TMEM235: variants seen among roughly 807,000 people sequenced by gnomAD.
TMEM235 encodes claudin-27.
In TMEM235, 23 loss-of-function variants were observed where a neutral mutation model predicts 22.9. The observed-to-expected ratio is 1.00, with a 90% CI of 0.72 to 1.42. TMEM235 has a LOEUF of 1.42. Among genes scored for constraint, TMEM235 ranks in the 40% most tolerant of loss-of-function variants. The pLI is 0.00. For synonymous variants in TMEM235, 137 were observed against 140.5 expected (o/e 0.98, Z 0.17); for missense variants, 308 against 299.5 (o/e 1.03, Z -0.21).
intron 4 of TMEM235, among the ~76,000 whole-genome samples, chr17:78,235,869 G>A (rs2076637266): frequency 6.6e-6 from 1 of 152,114 alleles, no homozygotes; most frequent in African/African-American, 2.4e-5. Context: ...CCAAAGTGCT[G>A]TGATTACAGG....
chr17:78,231,559 G>A, exon 2 of TMEM235: 2 of 1,304,022 alleles, frequency 1.5e-6, no homozygotes, highest in Non-Finnish European at 2.0e-6. Context: ...CAGGAGCACG[G>A]GTGGGTGGTC....
chr17:78,239,043 G>A, exon 5 of TMEM235: 1 of 1,542,140 alleles, frequency 6.5e-7, no homozygotes, highest in Non-Finnish European at 8.7e-7. Flanking sequence ...CACTGGCGGG[G>A]GTCAGCATCT....
chr17:78,231,506 G>A (rs1293979707), exon 2 of TMEM235: 1 of 1,304,266 alleles, frequency 7.7e-7, no homozygotes, highest in Non-Finnish European at 1.0e-6. Context: ...GACTGATACA[G>A]ACCAGGACCC....
At chr17:78,234,725 T>C (rs2076624479) in exon 4 of TMEM235, 5 of 1,536,064 alleles carry the variant, frequency 3.3e-6, no homozygotes, top group Non-Finnish European at 4.4e-6. Context: ...TACTTCCTGC[T>C]GGGGAGTGAG....
chr17:78,237,955 C>T lies in TMEM235; in HGVS notation c.410-1069C>T, dbSNP rs780250747. ...CCCTTCACTGGGCACCAGTGAGATC[C>T]AGACCTGGCCCTGAATGTCAGCTTG... On this transcript the variant is annotated intron_variant, in intron 4 of 5. Coordinates refer to ENST00000421688, the Ensembl canonical transcript of TMEM235. This position sits in a 1 kb window ranked among gnomAD's most constrained non-coding sequence, Gnocchi z 4.7. Among the ~76,000 whole-genome samples, 11 of 152,148 alleles carry T rather than the reference C, an allele frequency of 7.2e-5. No individual in the cohort carries two copies. Among genetic ancestry groups the T allele is most frequent in the African/African-American group, 1.4e-4 (6 of 41,414 alleles).
chr17:78,235,761 C>T (rs12709238), intron 4 of TMEM235, among the ~76,000 whole-genome samples: 50,694 of 151,816 alleles, frequency 0.33, 9,558 homozygotes, highest in East Asian at 0.57. Flanking sequence ...CCACCACGCC[C>T]GGCTAATTTT....
intron 5 of TMEM235, among the ~76,000 whole-genome samples, 177 bp downstream of exon 4, chr17:78,239,450 T>C (rs1183909021): frequency 6.6e-6 from 1 of 152,146 alleles, no homozygotes; most frequent in African/African-American, 2.4e-5. Flanking sequence ...TGTTTCTCTG[T>C]AGATATTTGG....
Position 78,233,713 on chromosome 17 carries a change from A to G in TMEM235, c.191-182A>G, listed in dbSNP as rs142951761. 5.7e-4 allele frequency among the ~76,000 whole-genome samples: 86 copies of G among 152,052 alleles called. No homozygotes were observed. In the East Asian group the frequency reaches 0.016, roughly 28 times the overall value. ...TCCATCTCAAAAAAAAAAAAAAGAA[A>G]AAGAAAATAAACAAGGCTAAAGGTC... On this transcript the variant is annotated intron_variant, in intron 2 of 5. Coordinates refer to ENST00000421688, the Ensembl canonical transcript of TMEM235.
intron 2 of TMEM235, among the ~76,000 whole-genome samples, chr17:78,233,667 C>A (rs2076608969): frequency 1.4e-5 from 2 of 147,692 alleles, no homozygotes; most frequent in Admixed American, 1.4e-4. Flanking sequence ...TGCACTCCAG[C>A]CTGGGGTGAC....
intron 4 of TMEM235, among the ~76,000 whole-genome samples, chr17:78,235,917 T>C (rs115576609): frequency 0.011 from 1,707 of 152,160 alleles, 28 homozygotes; most frequent in African/African-American, 0.039. Context: ...GCTACATACT[T>C]TTAAACAACC....
chr17:78,235,353 T>A (rs12937178), intron 4 of TMEM235, among the ~76,000 whole-genome samples: 51,254 of 151,492 alleles, frequency 0.34, 9,803 homozygotes, highest in East Asian at 0.57. Flanking sequence ...AATCGCATGA[T>A]CTCGACTCAC....
At chr17:78,231,687 G>A (rs901045578) in exon 2 of TMEM235, 1 of 1,288,776 alleles carries the variant, frequency 7.8e-7, no homozygotes, top group Non-Finnish European at 1.0e-6. Flanking sequence ...GAGGAGCCGG[G>A]GGTTCAGGGA....
In TMEM235 at chr17:78,237,109, G is replaced by A. The variant is rs2076653073; in HGVS notation, c.410-1915G>A. 6.6e-6 allele frequency among the ~76,000 whole-genome samples: 1 copy of A among 152,146 alleles called. No homozygotes were observed. Among genetic ancestry groups the A allele is most frequent in the Admixed American group, 6.5e-5 (1 of 15,274 alleles). ...GAGGGGCCGGAGGTAGCTGGTGGATGGGTGGGGGTTCCACTGCGACTCCAG... is the reference window on the plus strand; with the variant it reads ...GAGGGGCCGGAGGTAGCTGGTGGATAGGTGGGGGTTCCACTGCGACTCCAG... On this transcript the variant is annotated intron_variant, in intron 4 of 5. Coordinates refer to ENST00000421688, the Ensembl canonical transcript of TMEM235. The surrounding 1 kb of genome is among the most constrained non-coding windows in gnomAD (Gnocchi z 4.7).
chr17:78,239,032 A>ATGT (rs1251111977), exon 5 of TMEM235: 1 of 1,539,888 alleles, frequency 6.5e-7, no homozygotes, highest in African/African-American at 1.4e-5. Flanking sequence ...AGGTGTCCTG[A>ATGT]CACTGGCGGG....
exon 2 of TMEM235, chr17:78,232,128 G>C (rs1411044131): frequency 1.3e-5 from 20 of 1,491,484 alleles, no homozygotes; most frequent in Non-Finnish European, 1.7e-5. Context: ...ACATCCTGGA[G>C]GTGGCGGACG....
chr17:78,233,486 T>A (rs1327741485), intron 2 of TMEM235, among the ~76,000 whole-genome samples: 3 of 151,986 alleles, frequency 2.0e-5, no homozygotes, highest in Non-Finnish European at 1.5e-5. Context: ...GGCGGGTGGA[T>A]CACGAGGTCA....
chr17:78,236,201 C>T (rs569344531), intron 4 of TMEM235, among the ~76,000 whole-genome samples: 5 of 152,214 alleles, frequency 3.3e-5, no homozygotes, highest in Non-Finnish European at 5.9e-5. Flanking sequence ...TCCAGGGCAA[C>T]CCCAGGACCT....
intron 2 of TMEM235, among the ~76,000 whole-genome samples, chr17:78,232,449 G>A (rs932114343): frequency 7.9e-5 from 12 of 152,212 alleles, no homozygotes; most frequent in Non-Finnish European, 1.3e-4. Context: ...CCTCACAGCC[G>A]GAGGAGGGGG....
At position 78,234,747 on chromosome 17, in the gene TMEM235, G is replaced by A. The variant is rs1355714496; in HGVS notation, c.409+17G>A. ...TGCTGGGGAGTGAGTCTGGGGCCCT[G>A]GGGGAATGGCTCCAAAGATGGGAGC... is the stretch of plus-strand genomic sequence containing the variant. On this transcript the variant is annotated intron_variant, in intron 4 of 5. Coordinates refer to ENST00000421688, the Ensembl canonical transcript of TMEM235. 1.3e-6 allele frequency: 2 copies of A among 1,535,870 alleles called. No homozygotes were observed. The highest frequency in any genetic ancestry group is 1.2e-5 in the South Asian group (1 of 84,058).
Sources: allele counts gnomAD v4.1 joint callset (sites outside exome capture counted in the v4.1 genomes callset), GRCh38; gene constraint gnomAD v4.1.1; non-coding constraint Gnocchi (gnomAD v3.1); transcripts MANE v1.5; gene names NCBI Gene and HGNC (gene_info 2026-07-23, HGNC 2026-07-21).